Variants in NBEAL1 observed in about 807,000 individuals in gnomAD.
NBEAL1 encodes the protein neurobeachin-like protein 1.
Under a neutral mutation model 351.3 loss-of-function variants are expected in NBEAL1, and 273 were observed. That is an observed-to-expected ratio of 0.78 (90% CI 0.70 to 0.86). The LOEUF is 0.86. Among genes scored for constraint, NBEAL1 ranks in the 40% least tolerant of loss-of-function variants. The pLI is 0.00. For missense variants in NBEAL1, 2,961 were observed against 3,201.3 expected (o/e 0.92, Z 1.81); for synonymous variants, 1,050 against 1,086.4 (o/e 0.97, Z 0.66).
intron 35 of NBEAL1, among the ~76,000 whole-genome samples, chr2:203,153,213 G>C (rs2063707841): frequency 6.6e-6 from 1 of 151,828 alleles, no homozygotes; most frequent in Admixed American, 6.6e-5. Flanking sequence ...GCTCACTGTA[G>C]CCTTGACCTC....
intron 53 of NBEAL1, among the ~76,000 whole-genome samples, chr2:203,210,048 G>C (rs904291771): frequency 6.6e-6 from 1 of 152,056 alleles, no homozygotes; most frequent in South Asian, 2.1e-4. Flanking sequence ...ACCATGCCCA[G>C]CCTAAGCTTT....
intron 10 of NBEAL1, among the ~76,000 whole-genome samples, chr2:203,088,620 TAA>T (rs528596554): frequency 3.6e-4 from 55 of 152,176 alleles, no homozygotes; most frequent in Non-Finnish European, 6.6e-4. Flanking sequence ...CACTTTGACA[TAA>T]GTTTCTTATA....
At position 203,062,408 on chromosome 2, in the gene NBEAL1, C is replaced by T. The variant is rs751505296; in HGVS notation, c.515+4955C>T. 7.3e-5 allele frequency: 31 copies of T among 425,034 alleles called. No homozygotes were observed. Among genetic ancestry groups the T allele is most frequent in the South Asian group, 5.4e-4 (30 of 55,684 alleles). The allele number at this position is 425,034 out of a possible 1,614,324, so 26.3% of individuals were successfully genotyped here. A position where few individuals can be genotyped will look rare whatever the true frequency, so the allele number is the denominator to read the frequency against. ...CTCAAAAGTCACTGAGTCCATGTTC[C>T]AGCTTCCAGCATGCTCCAGCATCCT... On this transcript the variant is annotated intron_variant, in intron 6 of 55. Transcript: ENST00000683969. The surrounding 1 kb of genome is among the most constrained non-coding windows in gnomAD (Gnocchi z 4.2).
intron 8 of NBEAL1, among the ~76,000 whole-genome samples, chr2:203,079,907 A>C (rs996486858): frequency 1.3e-5 from 2 of 152,082 alleles, no homozygotes; most frequent in Non-Finnish European, 2.9e-5. Context: ...GGAACTTTTA[A>C]TCTTCTAGCA....
In NBEAL1 at chr2:203,132,003, G is replaced by A. The variant is rs749556201; in HGVS notation, c.3595G>A (p.Val1199Ile). 126 of 1,550,024 alleles carry A rather than the reference G, an allele frequency of 8.1e-5. No homozygotes were observed. The highest frequency in any genetic ancestry group is 2.4e-5 in the East Asian group (1 of 41,456). The part of the protein sequence containing the change: ...IMEQMLKCTN[V>I]YERSKQHIRL... ...GGAACAAATGTTGAAATGCACGAAC[G>A]TTTATGAGCGTAGTAAACAACATAT... Residue 1199 changes from valine to isoleucine, a missense_variant, in exon 26 of 56, where the codon GTT (valine) becomes ATT (isoleucine). Val to Ile is a conservative substitution (Grantham distance 29). Transcript: ENST00000683969.
In NBEAL1 at chr2:203,209,206, A is replaced by C; in HGVS notation, c.7669A>C (p.Arg2557=). Residue 2557 remains arginine, a synonymous_variant, in exon 53 of 56, where the codon AGG becomes CGG. Transcript: ENST00000683969. ...IHTIQKGQYM[R]TLRPPCESSL... is the part of the protein sequence containing the mutation. ...TACCATTCAGAAAGGTCAGTACATG[A>C]GGACTTTACGACCACCTTGTGAGAG... 6.2e-7 allele frequency: 1 copy of C among 1,613,670 alleles called. No homozygotes were observed. Among genetic ancestry groups the C allele is most frequent in the South Asian group, 1.1e-5 (1 of 91,068 alleles).
At chr2:203,176,180 T>C (rs2064494058) in intron 42 of NBEAL1, among the ~76,000 whole-genome samples, 1 of 150,042 alleles carries the variant, frequency 6.7e-6, no homozygotes, top group Non-Finnish European at 1.5e-5. Flanking sequence ...TCTTTTTTTT[T>C]TTTTTTTTTT....
At chr2:203,100,566 A>C (rs899021112) in intron 12 of NBEAL1, among the ~76,000 whole-genome samples, 23 of 103,248 alleles carry the variant, frequency 2.2e-4, no homozygotes, top group Non-Finnish European at 4.5e-4. Flanking sequence ...TTTTTTTTGG[A>C]GGTAGGGTCT....
chr2:203,152,993 G>A (rs1043938656), intron 35 of NBEAL1, among the ~76,000 whole-genome samples: 3 of 151,594 alleles, frequency 2.0e-5, no homozygotes, highest in Non-Finnish European at 4.4e-5. Flanking sequence ...AGCTGATATC[G>A]CGTCTTTGCA....
chr2:203,057,188 C>A, intron 5 of NBEAL1, 138 bp from the exon 6 acceptor site: 3 of 603,194 alleles, frequency 5.0e-6, no homozygotes, highest in Admixed American at 3.1e-5. Context: ...TATTTAAAAT[C>A]TTAGTGGCTG....
chr2:203,142,922 T>A (rs898480246), intron 31 of NBEAL1, among the ~76,000 whole-genome samples: 1 of 152,142 alleles, frequency 6.6e-6, no homozygotes, highest in African/African-American at 2.4e-5. Context: ...TTAGAGATCG[T>A]TTCCTCCAAT....
chr2:203,186,939 T>C (rs1429300101), intron 44 of NBEAL1, among the ~76,000 whole-genome samples: 1 of 152,228 alleles, frequency 6.6e-6, no homozygotes, highest in African/African-American at 2.4e-5. Context: ...GACACAACCT[T>C]AAATCTTTCT....
At chr2:203,112,800 A>G (rs1401151392) in intron 16 of NBEAL1, among the ~76,000 whole-genome samples, 1 of 152,260 alleles carries the variant, frequency 6.6e-6, no homozygotes, top group African/African-American at 2.4e-5. Context: ...GAAGTAATGC[A>G]TCCAAATGCT....
chr2:203,049,714 C>T, intron 3 of NBEAL1, 100 bp from the exon 4 acceptor site: 1 of 1,009,350 alleles, frequency 9.9e-7, no homozygotes, highest in Non-Finnish European at 1.4e-6. Context: ...AATAAAAGAG[C>T]TTCTTTAGGA....
intron 24 of NBEAL1, 76 bp downstream of exon 24, chr2:203,128,013 T>C (rs1200031081): frequency 1.8e-6 from 2 of 1,112,732 alleles, no homozygotes; most frequent in Non-Finnish European, 2.6e-6. Context: ...CGTATGTTTG[T>C]GTCTAGTTAA....
intron 7 of NBEAL1, among the ~76,000 whole-genome samples, chr2:203,070,339 T>TTCTC (rs1227694604): frequency 1.3e-4 from 20 of 150,596 alleles, no homozygotes; most frequent in African/African-American, 4.1e-4. Context: ...TAACTTGTAT[T>TTCTC]TCTCTCTCTC....
At chr2:203,020,008 T>C (rs2060741730) in intron 2 of NBEAL1, among the ~76,000 whole-genome samples, 2 of 149,884 alleles carry the variant, frequency 1.3e-5, no homozygotes, top group South Asian at 4.2e-4. Flanking sequence ...TTTTATCTGA[T>C]AATTTTAATT....
intron 53 of NBEAL1, among the ~76,000 whole-genome samples, chr2:203,209,939 C>T (rs951364242): frequency 1.3e-5 from 2 of 151,868 alleles, no homozygotes; most frequent in African/African-American, 2.4e-5. Context: ...TTGTTAGAGA[C>T]GAGGTCTCCC....
chr2:203,014,832 CGCCCCCT>C (rs2060649083), upstream of NBEAL1: 1 of 152,316 alleles, frequency 6.6e-6, no homozygotes, highest in African/African-American at 2.4e-5. Context: ...GGGGCAGCCC[CGCCCCCT>C]GCTCCTCCCG....
Sources: allele counts gnomAD v4.1 joint callset (sites outside exome capture counted in the v4.1 genomes callset), GRCh38; gene constraint gnomAD v4.1.1; non-coding constraint Gnocchi (gnomAD v3.1); transcripts MANE v1.5; gene names NCBI Gene and HGNC (gene_info 2026-07-23, HGNC 2026-07-21).